SCUBE2: variants seen among roughly 807,000 people sequenced by gnomAD.
The protein encoded by SCUBE2 is signal peptide, CUB domain and EGF like domain containing 2.
A neutral mutation model predicts 125.9 loss-of-function variants in SCUBE2; 114 were observed. The observed-to-expected ratio is 0.91, with a 90% CI of 0.78 to 1.06. The LOEUF is 1.06. Among genes scored for constraint, SCUBE2 ranks in the 50% least tolerant of loss-of-function variants. The pLI is 0.00. For missense variants in SCUBE2, 1,255 were observed against 1,301.8 expected (o/e 0.96, Z 0.55); for synonymous variants, 459 against 492.9 (o/e 0.93, Z 0.91).
intron 19 of SCUBE2, among the ~76,000 whole-genome samples, chr11:9,029,311 C>A (rs1312359658): frequency 6.6e-6 from 1 of 152,212 alleles, no homozygotes; most frequent in East Asian, 1.9e-4. Context: ...GCCTGAGGTC[C>A]AGGGGTCTCC....
At chr11:9,036,582 G>A (rs906355091) in intron 16 of SCUBE2, among the ~76,000 whole-genome samples, 3 of 152,206 alleles carry the variant, frequency 2.0e-5, no homozygotes, top group African/African-American at 7.2e-5. Flanking sequence ...ATCCACGGAA[G>A]GGAAAGTGCC....
Position 9,079,431 on chromosome 11 carries a change from G to A in SCUBE2, c.335C>T (p.Thr112Ile). 6.2e-7 allele frequency: 1 copy of A among 1,614,112 alleles called. No homozygotes were observed. The highest frequency in any genetic ancestry group is 8.5e-7 in the Non-Finnish European group (1 of 1,180,004). ...CLNIPGNYRC[T>I]CFDGFMLAHD... ...AGCCAACATGAAGCCATCAAAACAA[G>A]TGCAACGATAATTGCCTGGAATATT... is the stretch of plus-strand genomic sequence containing the variant. The change falls in exon 3 of 23, where the codon ACT becomes ATT. Residue 112 changes from threonine (T) to isoleucine (I), a missense_variant. Thr to Ile is a moderately conservative substitution (Grantham distance 89). Coordinates refer to ENST00000649792, the MANE Select transcript of SCUBE2 (RefSeq NM_001367977.2).
At chr11:9,027,107 A>C in intron 20 of SCUBE2, 1 of 495,366 alleles carries the variant, frequency 2.0e-6, no homozygotes, top group Non-Finnish European at 3.7e-6. Flanking sequence ...TCCTTGTGGA[A>C]GAGGGTCCAA....
intron 16 of SCUBE2, among the ~76,000 whole-genome samples, chr11:9,042,259 G>A (rs560132754): frequency 3.3e-5 from 5 of 152,114 alleles, no homozygotes; most frequent in South Asian, 4.2e-4. Context: ...GTCACTCAGC[G>A]GCAGCATCCT....
rs141854880 is a variant in SCUBE2, at chr11:9,027,451, G to T, written c.2614C>A (p.Pro872Thr). The change falls in exon 20 of 23, where the codon CCC becomes ACC. Residue 872 changes from proline to threonine, a missense_variant. This residue lies in a region of SCUBE2 where 515 missense variants were observed against 515.7 expected (regional missense o/e 1.00). Transcript: ENST00000649792. ...TECTWTINPP[P>T]KRRILIVVPE... ...ACCACGATCAGGATGCGGCGCTTGG[G>T]GGGTGGGTTGATGGTCCACGTACAC... 4.3e-6 allele frequency: 7 copies of T among 1,614,094 alleles called. No individual in the cohort carries two copies. Among genetic ancestry groups the T allele is most frequent in the South Asian group, 2.2e-5 (2 of 91,072 alleles).
chr11:9,046,432 G>A (rs1421274066), intron 16 of SCUBE2, among the ~76,000 whole-genome samples: 1 of 152,148 alleles, frequency 6.6e-6, no homozygotes, highest in African/African-American at 2.4e-5. Context: ...CTCACTGGGA[G>A]CCAGTCCATG....
Position 9,029,953 on chromosome 11 carries a change from T to A in SCUBE2, c.2434A>T (p.Asn812Tyr). Reference protein sequence around the residue: ...GTYQPEFGKNNCVSCPGNTTT... With the variant: ...GTYQPEFGKNYCVSCPGNTTT... Reference sequence around the variant, plus strand: ...GTATTTCCTGGGCAAGAAACACAATTATTTTTTCCAAATTCAGGCTGGTAT... The same window carrying A: ...GTATTTCCTGGGCAAGAAACACAATAATTTTTTCCAAATTCAGGCTGGTAT... Residue 812 changes from asparagine (N) to tyrosine (Y), a missense_variant, in exon 19 of 23, where the codon AAT (asparagine) becomes TAT (tyrosine). Physicochemically the swap from Asn to Tyr is moderately radical, Grantham distance 143 (BLOSUM62 -2). Around this residue, in one of 3 missense-constraint regions of SCUBE2, gnomAD observed 515 missense variants for 515.7 expected, o/e 1.00. Coordinates refer to ENST00000649792, the MANE Select transcript of SCUBE2 (RefSeq NM_001367977.2). 1.2e-6 allele frequency: 2 copies of A among 1,614,190 alleles called. No homozygotes were observed. Among genetic ancestry groups the A allele is most frequent in the Non-Finnish European group, 1.7e-6 (2 of 1,180,030 alleles).
chr11:9,043,271 C>CATACAT (rs143680070), intron 16 of SCUBE2, among the ~76,000 whole-genome samples: 3 of 152,052 alleles, frequency 2.0e-5, no homozygotes, highest in South Asian at 4.1e-4. Context: ...TACATACATA[C>CATACAT]ATATATACAC....
intron 17 of SCUBE2, among the ~76,000 whole-genome samples, chr11:9,032,613 A>T (rs1421772804): frequency 2.0e-5 from 3 of 152,066 alleles, no homozygotes; most frequent in Non-Finnish European, 4.4e-5. Flanking sequence ...CGCACCTGTA[A>T]TCCCAGCTTC....
chr11:9,023,817 T>A (rs943542005), intron 21 of SCUBE2, among the ~76,000 whole-genome samples: 1 of 152,164 alleles, frequency 6.6e-6, no homozygotes. Context: ...AAGCACCATG[T>A]AAAAGTCACT....
At chr11:9,056,652 C>T (rs912207933) in intron 9 of SCUBE2, among the ~76,000 whole-genome samples, 3 of 152,154 alleles carry the variant, frequency 2.0e-5, no homozygotes, top group Non-Finnish European at 2.9e-5. Context: ...ACAGCAGCCT[C>T]AGGAGGCTGC....
intron 2 of SCUBE2, among the ~76,000 whole-genome samples, chr11:9,083,497 G>A (rs1461276441): frequency 6.6e-6 from 1 of 152,094 alleles, no homozygotes; most frequent in African/African-American, 2.4e-5. Context: ...CAGATAATGA[G>A]CGCCAGATTT....
chr11:9,027,505 A>G lies in SCUBE2; in HGVS notation c.2560T>C (p.Tyr854His), dbSNP rs149801432. The stretch of plus-strand genomic sequence containing the variant: ...GTGTTGGCTGGGTAATTGCCTGGGT[A>G]GTTTGGGGATTCAATGTACCCAGTG... ...DFTGYIESPN[Y>H]PGNYPANTEC... is the part of the protein sequence containing the mutation. The change falls in exon 20 of 23, where the codon TAC (tyrosine) becomes CAC (histidine). Residue 854 changes from tyrosine to histidine, a missense_variant. By Grantham distance (83) the Tyr-to-His change is moderately conservative. Coordinates refer to ENST00000649792, the MANE Select transcript of SCUBE2 (RefSeq NM_001367977.2). 10 of 1,613,916 alleles carry G rather than the reference A, an allele frequency of 6.2e-6. No homozygotes were observed. Among genetic ancestry groups the G allele is most frequent in the Non-Finnish European group, 8.5e-6 (10 of 1,180,014 alleles).
At chr11:9,046,438 C>T (rs1857785065) in intron 16 of SCUBE2, among the ~76,000 whole-genome samples, 1 of 152,184 alleles carries the variant, frequency 6.6e-6, no homozygotes, top group Admixed American at 6.5e-5. Context: ...GGGAGCCAGT[C>T]CATGGGGCCC....
intron 10 of SCUBE2, among the ~76,000 whole-genome samples, chr11:9,054,786 A>T (rs1858912731): frequency 8.5e-6 from 1 of 117,392 alleles, no homozygotes; most frequent in Admixed American, 1.1e-4. Flanking sequence ...CCCAGGCTGG[A>T]GTGCAATGGC....
At chr11:9,032,290 T>TAATCTTTATCTTGTTCTGTC (rs1856375334) in intron 17 of SCUBE2, among the ~76,000 whole-genome samples, 1 of 152,138 alleles carries the variant, frequency 6.6e-6, no homozygotes, top group Non-Finnish European at 1.5e-5. Context: ...ATTTTTTGTT[T>TAATCTTTATCTTGTTCTGTC]TTTTTAATTT....
intron 9 of SCUBE2, among the ~76,000 whole-genome samples, chr11:9,057,674 G>T (rs909393531): frequency 4.0e-5 from 6 of 151,686 alleles, no homozygotes; most frequent in African/African-American, 1.5e-4. Context: ...GCCCGCCACC[G>T]CGCCCTCCAC....
chr11:9,026,414 A>C (rs1347683318), intron 20 of SCUBE2: 1 of 147,248 alleles, frequency 6.8e-6, no homozygotes, highest in Non-Finnish European at 1.4e-5. Context: ...TCCATGTGTC[A>C]TCATCATTCT....
intron 16 of SCUBE2, among the ~76,000 whole-genome samples, chr11:9,036,569 C>G (rs1856769921): frequency 6.6e-6 from 1 of 152,230 alleles, no homozygotes; most frequent in African/African-American, 2.4e-5. Context: ...TTTTACAATA[C>G]TCATCCACGG....
Sources: allele counts gnomAD v4.1 joint callset (sites outside exome capture counted in the v4.1 genomes callset), GRCh38; gene constraint gnomAD v4.1.1; regional missense constraint gnomAD v4.1.1; transcripts MANE v1.5; gene names NCBI Gene and HGNC (gene_info 2026-07-23, HGNC 2026-07-21).